PPP4R4: variants seen among roughly 807,000 people sequenced by gnomAD.
The protein encoded by PPP4R4 is protein phosphatase 4 regulatory subunit 4.
Under a neutral mutation model 121.8 loss-of-function variants are expected in PPP4R4, and 70 were observed. That is an observed-to-expected ratio of 0.57 (90% confidence interval 0.47 to 0.70). PPP4R4 has a LOEUF of 0.70. PPP4R4 is among the 30% of genes least tolerant of loss of function. The probability of loss-of-function intolerance (pLI) is 0.00; values close to 1 mark genes in which losing one functional copy is unlikely to be tolerated. For synonymous variants in PPP4R4, 348 were observed against 355.7 expected (o/e 0.98, Z 0.24); for missense variants, 875 against 1,033.6 (o/e 0.85, Z 2.10).
In PPP4R4 at chr14:94,176,143, TCTGTGAAATTGCTCTTCTTTTTTCC is replaced by T; in HGVS notation, c.191+22_191+46del. On this transcript the variant is annotated intron_variant, in intron 2 of 24. Coordinates refer to ENST00000304338, the MANE Select transcript of PPP4R4 (RefSeq NM_058237.2). ...ATCTGCTCAGGTATTTCCTAGTCTT[TCTGTGAAATTGCTCTTCTTTTTTCC>T]CTGTGCAGCAGAGATGAATGCTTTC... 1 of 1,583,418 alleles carries T rather than the reference TCTGTGAAATTGCTCTTCTTTTTTCC, an allele frequency of 6.3e-7. No homozygotes were observed. The highest frequency in any genetic ancestry group is 1.3e-5 in the African/African-American group (1 of 74,398).
At chr14:94,243,975 A>T (rs865823933) in intron 11 of PPP4R4, among the ~76,000 whole-genome samples, 114 of 149,642 alleles carry the variant, frequency 7.6e-4, no homozygotes, top group African/African-American at 2.6e-3. Context: ...TCCAGGGACC[A>T]TTTTTTTTTT....
At chr14:94,215,362 C>T (rs1476870339) in intron 3 of PPP4R4, among the ~76,000 whole-genome samples, 1 of 152,080 alleles carries the variant, frequency 6.6e-6, no homozygotes, top group East Asian at 1.9e-4. Flanking sequence ...AGAGCATAAA[C>T]AAATGATACA....
intron 2 of PPP4R4, among the ~76,000 whole-genome samples, chr14:94,179,732 G>A (rs1468713589): frequency 1.3e-5 from 2 of 152,158 alleles, no homozygotes; most frequent in Admixed American, 6.5e-5. Context: ...ACTTAGTGGC[G>A]CTTTCTTCAA....
intron 3 of PPP4R4, among the ~76,000 whole-genome samples, chr14:94,216,409 A>G (rs894697274): frequency 6.6e-6 from 1 of 152,240 alleles, no homozygotes; most frequent in Non-Finnish European, 1.5e-5. Context: ...AGTTAGCAGT[A>G]TCAGCTAAGA....
chr14:94,187,643 T>C (rs75580624), intron 2 of PPP4R4, among the ~76,000 whole-genome samples: 1 of 151,806 alleles, frequency 6.6e-6, no homozygotes, highest in South Asian at 2.1e-4. Context: ...TTTTTTTTTT[T>C]CTGTTTCAAG....
intron 16 of PPP4R4, among the ~76,000 whole-genome samples, chr14:94,254,684 C>A (rs1398526842): frequency 6.6e-6 from 1 of 152,152 alleles, no homozygotes; most frequent in Non-Finnish European, 1.5e-5. Flanking sequence ...ATTTGTAGAG[C>A]ATTCAGATGA....
At chr14:94,238,737 T>TAA (rs1344390087) in intron 8 of PPP4R4, among the ~76,000 whole-genome samples, 1 of 152,180 alleles carries the variant, frequency 6.6e-6, no homozygotes, top group Non-Finnish European at 1.5e-5. Flanking sequence ...ATCGTATAAT[T>TAA]ATAGTATTAC....
At chr14:94,201,791 T>C (rs1348323359) in intron 2 of PPP4R4, among the ~76,000 whole-genome samples, 3 of 152,096 alleles carry the variant, frequency 2.0e-5, no homozygotes, top group Non-Finnish European at 4.4e-5. Context: ...ACCTACTAGG[T>C]GTCTACCCAG....
At chr14:94,265,256 T>C (rs1893979350) in intron 20 of PPP4R4, 131 bp from the exon 21 acceptor site, 2 of 667,922 alleles carry the variant, frequency 3.0e-6, no homozygotes, top group Non-Finnish European at 5.2e-6. Flanking sequence ...TATTACCAAG[T>C]AAGAATATTT....
At chr14:94,260,871 G>A (rs993293651) in intron 19 of PPP4R4, among the ~76,000 whole-genome samples, 1 of 151,878 alleles carries the variant, frequency 6.6e-6, no homozygotes, top group African/African-American at 2.4e-5. Context: ...TTTGTTCCAA[G>A]AATCCTTTGT....
chr14:94,249,859 AG>A (rs1291016829), intron 14 of PPP4R4, among the ~76,000 whole-genome samples: 1 of 152,108 alleles, frequency 6.6e-6, no homozygotes, highest in East Asian at 1.9e-4. Flanking sequence ...GACAAAGTCC[AG>A]GGAACAGCTA....
intron 23 of PPP4R4, among the ~76,000 whole-genome samples, chr14:94,271,657 A>C (rs1354873526): frequency 6.6e-6 from 1 of 152,196 alleles, no homozygotes; most frequent in Non-Finnish European, 1.5e-5. Context: ...GTTCTAGAAA[A>C]GGAAAGAAAA....
intron 14 of PPP4R4, among the ~76,000 whole-genome samples, chr14:94,249,229 A>G (rs1893054922): frequency 6.6e-6 from 1 of 152,010 alleles, no homozygotes; most frequent in African/African-American, 2.4e-5. Context: ...CCTTAAGTCT[A>G]ATCATGTTTC....
chr14:94,216,484 G>A (rs1891025456), intron 3 of PPP4R4, among the ~76,000 whole-genome samples: 1 of 152,240 alleles, frequency 6.6e-6, no homozygotes, highest in Non-Finnish European at 1.5e-5. Context: ...ATAACTTGTA[G>A]CTTAGACACA....
intron 3 of PPP4R4, among the ~76,000 whole-genome samples, chr14:94,214,286 C>T (rs1011694807): frequency 2.6e-5 from 4 of 151,958 alleles, no homozygotes; most frequent in East Asian, 3.9e-4. Context: ...GATTTATGTT[C>T]GAGAGAGACT....
In PPP4R4 at chr14:94,208,449, T is replaced by C; in HGVS notation, c.192-15T>C. The C allele has an allele frequency of 6.3e-7, 1 of 1,574,832 alleles. No homozygotes were observed. Reference sequence around the variant, plus strand: ...CTTATAATTATAAATTTTAAATTTGTGTTTTCTTTGTAAGTGCTGGTCAAG... The same window carrying C: ...CTTATAATTATAAATTTTAAATTTGCGTTTTCTTTGTAAGTGCTGGTCAAG... On this transcript the variant is annotated splice_polypyrimidine_tract_variant and intron_variant, in intron 2 of 24. Transcript: ENST00000304338.
At chr14:94,278,360 T>C (rs570207438) in intron 24 of PPP4R4, among the ~76,000 whole-genome samples, 2 of 152,278 alleles carry the variant, frequency 1.3e-5, no homozygotes, top group South Asian at 4.1e-4. Context: ...ATGAATTAAA[T>C]TGAATGCTAT....
At chr14:94,181,940 G>T (rs1245376141) in intron 2 of PPP4R4, among the ~76,000 whole-genome samples, 1 of 152,194 alleles carries the variant, frequency 6.6e-6, no homozygotes, top group Non-Finnish European at 1.5e-5. Flanking sequence ...AACTCAATTA[G>T]TGAGAGTGGA....
intron 2 of PPP4R4, among the ~76,000 whole-genome samples, chr14:94,197,666 A>T (rs534972399): frequency 1.3e-5 from 2 of 152,332 alleles, no homozygotes; most frequent in Non-Finnish European, 2.9e-5. Context: ...TCAAGATAAT[A>T]AGCATATCCA....
Sources: gnomAD v4.1 joint callset for allele counts (sites outside exome capture counted in the v4.1 genomes callset) on GRCh38, gnomAD v4.1.1 for gene constraint, MANE v1.5 for transcripts, NCBI Gene and HGNC (gene_info 2026-07-23, HGNC 2026-07-21) for gene names.